Variants in ELMO1 observed in about 807,000 individuals in gnomAD.
ELMO1 encodes engulfment and cell motility 1, also known as engulfment and cell motility protein 1.
Under a neutral mutation model 98.9 loss-of-function variants are expected in ELMO1, and 26 were observed. That is an observed-to-expected ratio of 0.26 (90% confidence interval 0.19 to 0.36). The LOEUF is 0.36. ELMO1 is among the 10% of genes least tolerant of loss of function. The probability of loss-of-function intolerance (pLI) is 1.00; values close to 1 mark genes in which losing one functional copy is unlikely to be tolerated. For missense variants in ELMO1, 627 were observed against 935.2 expected, an observed-to-expected ratio of 0.67 and a Z score of 4.30; for synonymous variants, 346 against 346.0, an observed-to-expected ratio of 1.00 and a Z score of 0.00.
chr7:37,169,795 A>G (rs1790025859), intron 13 of ELMO1, among the ~76,000 whole-genome samples: 1 of 152,208 alleles, frequency 6.6e-6, no homozygotes, highest in African/African-American at 2.4e-5. Flanking sequence ...TTTGCTTTTG[A>G]CTTGGCATTT....
chr7:36,894,189 T>C (rs1055839292), intron 17 of ELMO1, among the ~76,000 whole-genome samples: 1 of 152,090 alleles, frequency 6.6e-6, no homozygotes, highest in Non-Finnish European at 1.5e-5. Flanking sequence ...GCAAGCAAAA[T>C]ACCCCTCATG....
chr7:37,429,752 G>T (rs1804855679), intron 1 of ELMO1: 2 of 152,274 alleles, frequency 1.3e-5, no homozygotes, highest in Admixed American at 6.5e-5. Flanking sequence ...GGCCAAGAAG[G>T]TTTTCTGAAA....
Position 37,222,615 on chromosome 7 carries a change from C to G in ELMO1, c.780G>C (p.Gln260His). The change falls in exon 10 of 22, where the codon CAG (glutamine) becomes CAC (histidine). Residue 260 changes from glutamine (Q) to histidine (H), a missense_variant and splice_region_variant. This residue lies in a region of ELMO1 where 492 missense variants were observed against 715.6 expected (regional missense o/e 0.69). Transcript: ENST00000310758. ...ATAAGACTAAAGAAATGCAACTTACCTGCCTCCTCTCATCAGGAGCCTTCA... is the reference window on the plus strand; with the variant it reads ...ATAAGACTAAAGAAATGCAACTTACGTGCCTCCTCTCATCAGGAGCCTTCA... Reference protein sequence around the residue: ...LFLKAPDERRQEMANILAQKQ... With the variant: ...LFLKAPDERRHEMANILAQKQ... 6.2e-7 allele frequency: 1 copy of G among 1,613,964 alleles called. No homozygotes were observed. The highest frequency in any genetic ancestry group is 1.3e-5 in the African/African-American group (1 of 75,050).
chr7:37,237,282 G>GA (rs1794519319), intron 7 of ELMO1, among the ~76,000 whole-genome samples: 1 of 151,994 alleles, frequency 6.6e-6, no homozygotes, highest in Non-Finnish European at 1.5e-5. Context: ...CGTTAATACA[G>GA]AATTTTATTT....
intron 4 of ELMO1, among the ~76,000 whole-genome samples, chr7:37,272,695 A>AT (rs1796635211): frequency 6.6e-6 from 1 of 151,332 alleles, no homozygotes. Flanking sequence ...AAAAAAAAAA[A>AT]GGAATTAAGT....
intron 1 of ELMO1, among the ~76,000 whole-genome samples, chr7:37,350,663 T>C (rs1265097823): frequency 6.6e-6 from 1 of 152,204 alleles, no homozygotes; most frequent in African/African-American, 2.4e-5. Flanking sequence ...CTGTTACAGG[T>C]GAATTGTGTC....
chr7:37,310,375 C>A (rs1380409262), intron 4 of ELMO1, among the ~76,000 whole-genome samples: 2 of 152,156 alleles, frequency 1.3e-5, no homozygotes, highest in African/African-American at 4.8e-5. Flanking sequence ...TCTGGGGACT[C>A]ATCTCCATAC....
At chr7:36,915,816 G>A (rs1007628197) in intron 16 of ELMO1, among the ~76,000 whole-genome samples, 1 of 152,088 alleles carries the variant, frequency 6.6e-6, no homozygotes, top group Non-Finnish European at 1.5e-5. Context: ...GGCAGGAGGT[G>A]AGCATTGGAA....
At chr7:37,393,882 T>C (rs1803182215) in intron 1 of ELMO1, 1 of 152,330 alleles carries the variant, frequency 6.6e-6, no homozygotes, top group South Asian at 2.1e-4. Context: ...GTATCTTCTC[T>C]GCCTTGTATG....
chr7:37,026,098 C>T (rs1322935354), intron 15 of ELMO1, among the ~76,000 whole-genome samples: 3 of 152,110 alleles, frequency 2.0e-5, no homozygotes, highest in Non-Finnish European at 2.9e-5. Context: ...ACTTTCTTTA[C>T]GAGGAAAATT....
At chr7:36,952,625 T>C (rs1310213656) in intron 16 of ELMO1, among the ~76,000 whole-genome samples, 1 of 152,012 alleles carries the variant, frequency 6.6e-6, no homozygotes, top group Non-Finnish European at 1.5e-5. Flanking sequence ...AAAAAAGAAA[T>C]CACTCTAGAC....
At chr7:36,950,421 G>C (rs1014577953) in intron 16 of ELMO1, among the ~76,000 whole-genome samples, 1 of 152,076 alleles carries the variant, frequency 6.6e-6, no homozygotes, top group African/African-American at 2.4e-5. Context: ...TGGGTGACTG[G>C]GCAAAGGGTC....
chr7:37,379,541 T>C (rs1180984433), intron 1 of ELMO1, among the ~76,000 whole-genome samples: 1 of 152,298 alleles, frequency 6.6e-6, no homozygotes, highest in East Asian at 1.9e-4. Flanking sequence ...CTATACTTCT[T>C]CTTGTCAATA....
At chr7:36,885,248 A>AT (rs1307109851) in intron 18 of ELMO1, among the ~76,000 whole-genome samples, 1 of 152,090 alleles carries the variant, frequency 6.6e-6, no homozygotes, top group Non-Finnish European at 1.5e-5. Flanking sequence ...AGATGCTAAT[A>AT]TTTTTTTGTT....
At chr7:36,916,544 GT>G (rs1784704166) in intron 16 of ELMO1, among the ~76,000 whole-genome samples, 1 of 152,224 alleles carries the variant, frequency 6.6e-6, no homozygotes, top group African/African-American at 2.4e-5. Flanking sequence ...AAGTAGTCTA[GT>G]TTTTTAAGAC....
At chr7:37,334,156 C>T (rs1449244986) in intron 2 of ELMO1, among the ~76,000 whole-genome samples, 3 of 152,218 alleles carry the variant, frequency 2.0e-5, no homozygotes, top group African/African-American at 7.2e-5. Context: ...ATGAGTGATT[C>T]TGATACAGAA....
intron 13 of ELMO1, among the ~76,000 whole-genome samples, chr7:37,151,765 T>C (rs1005912540): frequency 3.9e-5 from 6 of 152,150 alleles, no homozygotes; most frequent in Admixed American, 3.9e-4. Flanking sequence ...GTGTTGAAAT[T>C]AAAATTTCAA....
intron 4 of ELMO1, among the ~76,000 whole-genome samples, chr7:37,299,453 T>G (rs957682554): frequency 9.6e-6 from 1 of 104,588 alleles, no homozygotes; most frequent in African/African-American, 3.5e-5. Context: ...TTGTATAAGG[T>G]GTAAGGAAGG....
intron 15 of ELMO1, among the ~76,000 whole-genome samples, chr7:37,060,381 G>A (rs932212720): frequency 2.6e-5 from 4 of 151,998 alleles, no homozygotes; most frequent in East Asian, 1.9e-4. Context: ...GCTGGAGGCC[G>A]GTATCCTGAG....
Sources: allele counts gnomAD v4.1 joint callset (sites outside exome capture counted in the v4.1 genomes callset), GRCh38; gene constraint gnomAD v4.1.1; regional missense constraint gnomAD v4.1.1; transcripts MANE v1.5; gene names NCBI Gene and HGNC (gene_info 2026-07-23, HGNC 2026-07-21).